Variants in ARID1B observed in about 807,000 individuals in gnomAD.
ARID1B encodes AT-rich interactive domain-containing protein 1B.
ARID1B carries 30 observed loss-of-function variants against 212.3 expected under a neutral mutation model. The ratio of observed to expected loss-of-function variants is 0.14; its 90% confidence interval spans 0.11 to 0.19. The LOEUF is 0.19. Among genes scored for constraint, ARID1B ranks in the 10% least tolerant of loss-of-function variants. ARID1B has a pLI of 1.00. For missense variants in ARID1B, 2,891 were observed against 3,204.0 expected, an observed-to-expected ratio of 0.90 and a Z score of 2.36; for synonymous variants, 1,402 against 1,301.7, an observed-to-expected ratio of 1.08 and a Z score of -1.66.
intron 1 of ARID1B, among the ~76,000 whole-genome samples, chr6:156,808,930 T>A (rs1781371641): frequency 6.6e-6 from 1 of 152,222 alleles, no homozygotes; most frequent in African/African-American, 2.4e-5. Context: ...CACACGAGTT[T>A]GTTTTATCTG....
intron 4 of ARID1B, among the ~76,000 whole-genome samples, chr6:157,081,194 T>C (rs1784610594): frequency 6.6e-6 from 1 of 152,224 alleles, no homozygotes; most frequent in Non-Finnish European, 1.5e-5. Context: ...ATGGAAGCAC[T>C]GTAGCTTGAA....
intron 5 of ARID1B, among the ~76,000 whole-genome samples, chr6:157,108,880 G>A (rs190496447): frequency 1.3e-5 from 2 of 152,216 alleles, no homozygotes; most frequent in East Asian, 1.9e-4. Context: ...ATAAATTCAG[G>A]TCTTTGGTTT....
At chr6:156,896,012 TA>T (rs1475680866) in intron 2 of ARID1B, among the ~76,000 whole-genome samples, 1 of 152,264 alleles carries the variant, frequency 6.6e-6, no homozygotes, top group Non-Finnish European at 1.5e-5. Context: ...CTCAACATTG[TA>T]GTTTTTAGTT....
chr6:157,115,584 G>A (rs1042042677), intron 6 of ARID1B, among the ~76,000 whole-genome samples: 1 of 152,008 alleles, frequency 6.6e-6, no homozygotes, highest in African/African-American at 2.4e-5. Context: ...CCGCCACCAC[G>A]CCCGGCTAAT....
At chr6:156,903,066 C>T (rs1045966837) in intron 3 of ARID1B, among the ~76,000 whole-genome samples, 5 of 151,996 alleles carry the variant, frequency 3.3e-5, no homozygotes, top group African/African-American at 9.7e-5. Context: ...ATCATAAAAC[C>T]GATTTGATTA....
At chr6:157,144,394 G>A (rs1373174244) in intron 7 of ARID1B, among the ~76,000 whole-genome samples, 2 of 152,162 alleles carry the variant, frequency 1.3e-5, no homozygotes, top group Admixed American at 6.5e-5. Context: ...CACTGAAAAA[G>A]GTTTCTTACC....
At chr6:156,827,847 G>C (rs374417052) in intron 1 of ARID1B, among the ~76,000 whole-genome samples, 1 of 127,220 alleles carries the variant, frequency 7.9e-6, no homozygotes, top group Non-Finnish European at 1.6e-5. Flanking sequence ...TGCAGCCTCC[G>C]CCTCCTGGGT....
chr6:156,862,913 T>G (rs914687851), intron 2 of ARID1B, among the ~76,000 whole-genome samples: 1 of 152,128 alleles, frequency 6.6e-6, no homozygotes, highest in Non-Finnish European at 1.5e-5. Context: ...TAACAGTCAT[T>G]TAAAAACAAA....
intron 1 of ARID1B, among the ~76,000 whole-genome samples, chr6:156,823,659 G>T (rs1329744734): frequency 6.8e-6 from 1 of 147,988 alleles, no homozygotes; most frequent in Non-Finnish European, 1.5e-5. Flanking sequence ...AACAAGATTC[G>T]ATAGTTCTTT....
chr6:157,060,668 A>ATTTTTTTTTTTTTTTTTTTTTTTTT (rs1478389206), intron 4 of ARID1B, among the ~76,000 whole-genome samples: 1 of 53,430 alleles, frequency 1.9e-5, no homozygotes. Flanking sequence ...CTATTCTTTC[A>ATTTTTTTTTTTTTTTTTTTTTTTTT]TTGTCTCATC....
chr6:157,105,353 C>T (rs1359188275), intron 5 of ARID1B, among the ~76,000 whole-genome samples: 2 of 151,908 alleles, frequency 1.3e-5, no homozygotes, highest in Admixed American at 1.3e-4. Flanking sequence ...CTACAAAAGA[C>T]ACCGTAAGCA....
intron 4 of ARID1B, among the ~76,000 whole-genome samples, chr6:157,018,001 A>G (rs982400298): frequency 6.7e-6 from 1 of 149,652 alleles, no homozygotes; most frequent in East Asian, 2.0e-4. Flanking sequence ...GCATGGTGTC[A>G]TGTGCTTGTA....
At chr6:157,167,219 C>T (rs776777895) in intron 9 of ARID1B, 34 bp downstream of exon 9, 4 of 1,588,778 alleles carry the variant, frequency 2.5e-6, no homozygotes, top group East Asian at 2.3e-5. Context: ...CTGAGCCCCT[C>T]TCTCTCCCCT....
chr6:156,964,996 A>G (rs542709869), intron 4 of ARID1B, among the ~76,000 whole-genome samples: 3 of 152,344 alleles, frequency 2.0e-5, no homozygotes, highest in Non-Finnish European at 2.9e-5. Context: ...TAGCTTTTCA[A>G]TTGTAAGACT....
chr6:157,040,343 C>T (rs1205670063), intron 4 of ARID1B, among the ~76,000 whole-genome samples: 3 of 152,226 alleles, frequency 2.0e-5, no homozygotes, highest in African/African-American at 2.4e-5. Flanking sequence ...AAAGGTAACT[C>T]AAGTGTCTAA....
intron 13 of ARID1B, chr6:157,186,555 C>T (rs867929734): frequency 1.1e-5 from 5 of 470,746 alleles, no homozygotes; most frequent in Non-Finnish European, 2.2e-5. Flanking sequence ...GATTCCAGTC[C>T]CATCATTAGG....
chr6:157,176,088 G>T (rs1792081161), intron 11 of ARID1B, among the ~76,000 whole-genome samples: 1 of 152,166 alleles, frequency 6.6e-6, no homozygotes, highest in Admixed American at 6.5e-5. Context: ...TTGAAGAGTT[G>T]GTTGTTCTAG....
intron 2 of ARID1B, among the ~76,000 whole-genome samples, chr6:156,882,933 A>G (rs538540729): frequency 5.9e-5 from 9 of 152,374 alleles, no homozygotes; most frequent in Admixed American, 1.3e-4. Context: ...TTGAGGCCTC[A>G]GGATAGAGAA....
At chr6:156,786,433 C>A (rs112453401) in intron 1 of ARID1B, among the ~76,000 whole-genome samples, 3 of 152,088 alleles carry the variant, frequency 2.0e-5, no homozygotes, top group Admixed American at 1.3e-4. Flanking sequence ...TTAAAGGCAG[C>A]TGTGAAGGGA....
Sources: allele counts gnomAD v4.1 joint callset (sites outside exome capture counted in the v4.1 genomes callset), GRCh38; gene constraint gnomAD v4.1.1; transcripts MANE v1.5; gene names NCBI Gene and HGNC (gene_info 2026-07-23, HGNC 2026-07-21).